PRKCA: variants seen among roughly 807,000 people sequenced by gnomAD.
The protein encoded by PRKCA is protein kinase C alpha type.
In PRKCA, 27 loss-of-function variants were observed where a neutral mutation model predicts 87.0. That is an observed-to-expected ratio of 0.31 (90% confidence interval 0.23 to 0.43). PRKCA has a LOEUF of 0.43. PRKCA is among the 20% of genes least tolerant of loss of function. The pLI is 1.00. For missense variants in PRKCA, 518 were observed against 852.3 expected, an observed-to-expected ratio of 0.61 and a Z score of 4.88; for synonymous variants, 329 against 311.1, an observed-to-expected ratio of 1.06 and a Z score of -0.61.
chr17:66,785,875 C>T (rs1434040461), intron 14 of PRKCA, among the ~76,000 whole-genome samples: 4 of 152,246 alleles, frequency 2.6e-5, no homozygotes, highest in African/African-American at 4.8e-5. Context: ...GTCACCCAGG[C>T]TGGAGTGCAG....
chr17:66,310,948 T>A (rs903449043), intron 2 of PRKCA, among the ~76,000 whole-genome samples: 2 of 152,200 alleles, frequency 1.3e-5, no homozygotes, highest in African/African-American at 4.8e-5. Flanking sequence ...GTCCTCCCTA[T>A]GGCCAACTTG....
At chr17:66,593,952 G>A (rs962147462) in intron 3 of PRKCA, among the ~76,000 whole-genome samples, 3 of 152,208 alleles carry the variant, frequency 2.0e-5, no homozygotes, top group Admixed American at 2.0e-4. Flanking sequence ...AGGCATGGTG[G>A]CGGCTGCCTG....
At chr17:66,757,749 T>G (rs1205479888) in intron 13 of PRKCA, among the ~76,000 whole-genome samples, 2 of 152,150 alleles carry the variant, frequency 1.3e-5, no homozygotes, top group Admixed American at 1.3e-4. Flanking sequence ...TCTTGAGATG[T>G]AGTCTTGCTC....
chr17:66,545,355 A>G (rs528860234), intron 3 of PRKCA, among the ~76,000 whole-genome samples: 25 of 152,266 alleles, frequency 1.6e-4, no homozygotes, highest in African/African-American at 5.8e-4. Context: ...CGTGAACCCA[A>G]AAGGCGGAGC....
At chr17:66,318,966 A>ACT (rs1567769589) in intron 2 of PRKCA, among the ~76,000 whole-genome samples, 1 of 126,344 alleles carries the variant, frequency 7.9e-6, no homozygotes, top group African/African-American at 2.8e-5. Context: ...ACAAAAAAAT[A>ACT]TTTTTTGTAA....
chr17:66,362,839 C>T (rs1908476160), intron 2 of PRKCA, among the ~76,000 whole-genome samples: 1 of 152,124 alleles, frequency 6.6e-6, no homozygotes, highest in South Asian at 2.1e-4. Flanking sequence ...GGATTACAGG[C>T]ATGTGCCGCC....
intron 2 of PRKCA, among the ~76,000 whole-genome samples, chr17:66,341,264 G>C (rs185342613): frequency 1.3e-5 from 2 of 152,130 alleles, no homozygotes; most frequent in African/African-American, 4.8e-5. Flanking sequence ...TTGCTGGGCA[G>C]CAGACAGTAA....
At chr17:66,528,013 C>A (rs1967404072) in intron 3 of PRKCA, among the ~76,000 whole-genome samples, 1 of 152,076 alleles carries the variant, frequency 6.6e-6, no homozygotes, top group Non-Finnish European at 1.5e-5. Context: ...GCCTGGCCAA[C>A]ATGGTGAGAT....
intron 2 of PRKCA, among the ~76,000 whole-genome samples, chr17:66,382,445 C>T (rs1396541467): frequency 4.6e-5 from 7 of 151,992 alleles, no homozygotes; most frequent in South Asian, 2.1e-4. Flanking sequence ...GGACTACAGG[C>T]GCGTGCCACC....
At chr17:66,473,437 A>G (rs946704335) in intron 2 of PRKCA, among the ~76,000 whole-genome samples, 2 of 152,158 alleles carry the variant, frequency 1.3e-5, no homozygotes, top group East Asian at 1.9e-4. Flanking sequence ...CCTGGACTCC[A>G]GCCCTTCCCT....
intron 2 of PRKCA, among the ~76,000 whole-genome samples, chr17:66,480,485 C>T (rs1438446255): frequency 2.6e-5 from 4 of 152,156 alleles, no homozygotes; most frequent in Non-Finnish European, 4.4e-5. Context: ...GTCGCAAAAG[C>T]TCACTGTAAT....
intron 3 of PRKCA, among the ~76,000 whole-genome samples, chr17:66,608,129 C>A (rs183990733): frequency 6.6e-6 from 1 of 151,546 alleles, no homozygotes; most frequent in Non-Finnish European, 1.5e-5. Context: ...TGAAGCACAC[C>A]GATTGGAGCA....
chr17:66,375,507 C>T (rs1351826212), intron 2 of PRKCA, among the ~76,000 whole-genome samples: 1 of 152,138 alleles, frequency 6.6e-6, no homozygotes, highest in Non-Finnish European at 1.5e-5. Context: ...GTCCCGGTAG[C>T]TGGTGACTCC....
chr17:66,752,529 T>C (rs1598917347), intron 13 of PRKCA, among the ~76,000 whole-genome samples: 1 of 151,904 alleles, frequency 6.6e-6, no homozygotes, highest in African/African-American at 2.4e-5. Context: ...ACCTGGGAGG[T>C]GGGGGCTGTG....
At chr17:66,773,944 T>C in intron 13 of PRKCA, 43 bp from the exon 14 acceptor site, 1 of 1,612,542 alleles carries the variant, frequency 6.2e-7, no homozygotes, top group Non-Finnish European at 8.5e-7. Flanking sequence ...CAGGGGCTAT[T>C]GGACTTACCA....
chr17:66,683,525 C>G (rs1348302726), intron 5 of PRKCA, among the ~76,000 whole-genome samples: 1 of 152,130 alleles, frequency 6.6e-6, no homozygotes, highest in Non-Finnish European at 1.5e-5. Context: ...CCAGGTGTTT[C>G]CAGGGTGTAG....
At chr17:66,444,435 C>CCGG (rs1371586544) in intron 2 of PRKCA, among the ~76,000 whole-genome samples, 15 of 152,098 alleles carry the variant, frequency 9.9e-5, no homozygotes, top group African/African-American at 3.6e-4. Context: ...TCTATGATGG[C>CCGG]TGGGGGTGTG....
At chr17:66,328,491 G>T (rs767255860) in intron 2 of PRKCA, among the ~76,000 whole-genome samples, 17 of 152,118 alleles carry the variant, frequency 1.1e-4, no homozygotes, top group Non-Finnish European at 1.9e-4. Context: ...GGGGAACATT[G>T]TGTGTTCTAG....
At chr17:66,371,744 C>G (rs1427159521) in intron 2 of PRKCA, among the ~76,000 whole-genome samples, 1 of 152,190 alleles carries the variant, frequency 6.6e-6, no homozygotes, top group South Asian at 2.1e-4. Flanking sequence ...CTAGGTGATA[C>G]ATTAGAGCAG....
Sources: allele counts gnomAD v4.1 joint callset (sites outside exome capture counted in the v4.1 genomes callset), GRCh38; gene constraint gnomAD v4.1.1; transcripts MANE v1.5; gene names NCBI Gene and HGNC (gene_info 2026-07-23, HGNC 2026-07-21).